Variants in PEX11B observed in about 807,000 individuals in gnomAD.
PEX11B encodes the protein peroxisomal biogenesis factor 11 beta.
In PEX11B, 18 loss-of-function variants were observed where a neutral mutation model predicts 28.2. The observed-to-expected ratio is 0.64, with a 90% CI of 0.44 to 0.95. The LOEUF (loss-of-function observed/expected upper bound fraction) is 0.95, where lower values mean the gene tolerates loss of function less well. Among genes scored for constraint, PEX11B ranks in the 40% least tolerant of loss-of-function variants. The pLI is 0.00. For missense variants in PEX11B, 305 were observed against 319.8 expected (o/e 0.95, Z 0.35); for synonymous variants, 128 against 128.7 (o/e 0.99, Z 0.04).
chr1:145,915,841 C>T (rs1647347582), intron 3 of PEX11B, among the ~76,000 whole-genome samples: 1 of 152,078 alleles, frequency 6.6e-6, no homozygotes, highest in African/African-American at 2.4e-5. Context: ...GCCACGTTGG[C>T]CAGGCTGGTC....
intron 3 of PEX11B, among the ~76,000 whole-genome samples, chr1:145,915,878 C>A (rs1342165449): frequency 1.3e-5 from 2 of 152,148 alleles, no homozygotes; most frequent in Non-Finnish European, 2.9e-5. Context: ...GTGATCCCCC[C>A]AACCTCGGCC....
chr1:145,912,571 T>TA lies in PEX11B; in HGVS notation c.375-6dup. 6.8e-7 allele frequency: 1 copy of TA among 1,478,568 alleles called. No homozygotes were observed. The highest frequency in any genetic ancestry group is 2.4e-5 in the Admixed American group (1 of 41,762). The allele number at this position is 1,478,568 out of a possible 1,614,324, so 91.6% of individuals were successfully genotyped here. ...ATGAGGGAAAACAAATAGTACCTGA[T>TA]ACACAGAGCAAAAGGGTCAGTAAGG... On this transcript the variant is annotated splice_polypyrimidine_tract_variant and splice_region_variant and intron_variant, in intron 3 of 3. Coordinates refer to ENST00000369306, the MANE Select transcript of PEX11B (RefSeq NM_003846.3).
intron 3 of PEX11B, among the ~76,000 whole-genome samples, chr1:145,914,314 C>A (rs1421957877): frequency 6.7e-6 from 1 of 150,164 alleles, no homozygotes; most frequent in Admixed American, 6.6e-5. Context: ...ATGGACGTTG[C>A]AGTGAGCTGA....
intron 3 of PEX11B, among the ~76,000 whole-genome samples, chr1:145,914,996 C>A (rs1196901072): frequency 3.3e-5 from 5 of 152,096 alleles, no homozygotes; most frequent in Non-Finnish European, 5.9e-5. Flanking sequence ...CTCTGCCTCC[C>A]GGGTTCAAGC....
intron 3 of PEX11B, among the ~76,000 whole-genome samples, chr1:145,914,551 G>A (rs1459648397): frequency 3.9e-5 from 6 of 152,242 alleles, no homozygotes; most frequent in African/African-American, 1.4e-4. Flanking sequence ...CTCCAACCAT[G>A]TTGGTTTCCT....
chr1:145,914,539 T>C (rs1044265476), intron 3 of PEX11B, among the ~76,000 whole-genome samples: 10 of 152,230 alleles, frequency 6.6e-5, no homozygotes, highest in African/African-American at 2.4e-4. Flanking sequence ...GCAATCATTA[T>C]GCTCCAACCA....
intron 3 of PEX11B, among the ~76,000 whole-genome samples, chr1:145,916,021 G>A (rs1439834924): frequency 6.6e-6 from 1 of 152,110 alleles, no homozygotes; most frequent in Admixed American, 6.5e-5. Context: ...CTTCAATAAT[G>A]TCCCATTGTA....
intron 3 of PEX11B, among the ~76,000 whole-genome samples, chr1:145,916,253 T>A (rs1360493578): frequency 6.6e-6 from 1 of 152,250 alleles, no homozygotes; most frequent in Non-Finnish European, 1.5e-5. Flanking sequence ...GTTGGCTTTG[T>A]CTAACTCCTC....
intron 1 of PEX11B, 123 bp downstream of exon 1, chr1:145,918,510 G>C (rs587632884): frequency 3.9e-6 from 6 of 1,538,784 alleles, no homozygotes; most frequent in Non-Finnish European, 5.2e-6. Context: ...CGGTCCGTTC[G>C]GGCCCCCGTA....
In PEX11B at chr1:145,916,948, GACA is replaced by G; in HGVS notation, c.240_242del (p.Val81del). 1 of 1,613,556 alleles carries G rather than the reference GACA, an allele frequency of 6.2e-7. No homozygotes were observed. The highest frequency in any genetic ancestry group is 1.7e-5 in the Admixed American group (1 of 60,024). ...GACTAACAGTGATGCAGAATCTCAG[GACA>G]ACATCTGATAGGTGAACAGCTCTTT... On this transcript the variant is annotated inframe_deletion, in exon 3 of 4. Transcript: ENST00000369306.
intron 1 of PEX11B, 103 bp downstream of exon 1, chr1:145,918,530 G>A: frequency 6.5e-7 from 1 of 1,542,770 alleles, no homozygotes. Flanking sequence ...AGCCGGAGTT[G>A]ACCCTTCTTG....
chr1:145,917,634 G>A (rs1647471349), intron 2 of PEX11B, 67 bp downstream of exon 2: 1 of 899,066 alleles, frequency 1.1e-6, no homozygotes, highest in Non-Finnish European at 1.9e-6. Context: ...AGGAAGGAGG[G>A]ACAAAGGAAG....
intron 3 of PEX11B, among the ~76,000 whole-genome samples, chr1:145,916,443 T>C (rs1553753920): frequency 6.6e-6 from 1 of 152,202 alleles, no homozygotes; most frequent in Non-Finnish European, 1.5e-5. Flanking sequence ...AGAAGCTTCA[T>C]GGGAGCAGGC....
intron 3 of PEX11B, 96 bp from the exon 4 acceptor site, chr1:145,912,662 A>G (rs1657861674): frequency 8.5e-6 from 7 of 823,266 alleles, no homozygotes; most frequent in Admixed American, 5.6e-5. Flanking sequence ...TAGCAAAGAG[A>G]TTACACATTA....
intron 3 of PEX11B, among the ~76,000 whole-genome samples, 177 bp downstream of exon 3, chr1:145,916,640 C>T (rs753975573): frequency 6.6e-6 from 1 of 152,154 alleles, no homozygotes; most frequent in African/African-American, 2.4e-5. Context: ...ATCTGTCTTC[C>T]ATCTCTCCCC....
intron 3 of PEX11B, 152 bp downstream of exon 3, chr1:145,916,665 G>A (rs1177508828): frequency 5.0e-5 from 30 of 605,402 alleles, no homozygotes; most frequent in East Asian, 4.9e-4. Context: ...GATATTCTCC[G>A]ATAGTTTAAG....
intron 1 of PEX11B, chr1:145,918,337 G>T: frequency 6.6e-7 from 1 of 1,515,046 alleles, no homozygotes. Context: ...ACCGTGGGGC[G>T]AATGCTCCTC....
intron 1 of PEX11B, 26 bp from the exon 2 acceptor site, chr1:145,917,842 G>C: frequency 1.3e-6 from 2 of 1,537,276 alleles, no homozygotes; most frequent in Non-Finnish European, 1.8e-6. Flanking sequence ...GGCAAGGTAA[G>C]GTGGAGACCT....
rs587704039 is a variant in PEX11B, at chr1:145,912,153, C to G, written c.*8G>C. 2 of 1,581,180 alleles carry G rather than the reference C, an allele frequency of 1.3e-6. No homozygotes were observed. Among genetic ancestry groups the G allele is most frequent in the African/African-American group, 1.3e-5 (1 of 74,132 alleles). ...ATTCAGGTCCCCTCCTTATCCTGTA[C>G]CGGAAGGTCAGGGCTTGAGTCGTAG... On this transcript the variant is annotated 3_prime_UTR_variant, in exon 4 of 4. Transcript: ENST00000369306.
Sources: allele counts gnomAD v4.1 joint callset (sites outside exome capture counted in the v4.1 genomes callset), GRCh38; gene constraint gnomAD v4.1.1; transcripts MANE v1.5; gene names NCBI Gene and HGNC (gene_info 2026-07-23, HGNC 2026-07-21).